Variants in HPSE2 observed in about 807,000 individuals in gnomAD.
The protein encoded by HPSE2 is heparanase 2 (inactive).
HPSE2 carries 38 observed loss-of-function variants against 60.5 expected under a neutral mutation model. That is an observed-to-expected ratio of 0.63 (90% confidence interval 0.48 to 0.82). The LOEUF is 0.82. Among genes scored for constraint, HPSE2 ranks in the 40% least tolerant of loss-of-function variants. The pLI, the probability that HPSE2 is intolerant of heterozygous loss-of-function variation, is 0.00. For missense variants in HPSE2, 713 were observed against 740.4 expected (o/e 0.96, Z 0.43); for synonymous variants, 295 against 293.2 (o/e 1.01, Z -0.06).
chr10:99,032,125 G>A (rs568353224), intron 3 of HPSE2, among the ~76,000 whole-genome samples: 56 of 152,182 alleles, frequency 3.7e-4, no homozygotes, highest in Admixed American at 1.3e-3. Context: ...ATTGAAAGGC[G>A]TTTTTTACAG....
chr10:98,863,598 T>C lies in HPSE2; in HGVS notation c.611-119542A>G, dbSNP rs536950364. Among the ~76,000 whole-genome samples, 10 of 152,212 alleles carry C rather than the reference T, an allele frequency of 6.6e-5. No individual in the cohort carries two copies. In the South Asian group the frequency reaches 2.1e-3, roughly 32 times the overall value. ...TCTTCTGTAGCCTCCTGTTTCAAGTTTAGAAAGGGATCGTCTCAGAGATGC... is the reference window on the plus strand; with the variant it reads ...TCTTCTGTAGCCTCCTGTTTCAAGTCTAGAAAGGGATCGTCTCAGAGATGC... On this transcript the variant is annotated intron_variant, in intron 3 of 11. Coordinates refer to ENST00000370552, the MANE Select transcript of HPSE2 (RefSeq NM_021828.5).
At chr10:98,682,187 G>A (rs1241253557) in intron 6 of HPSE2, among the ~76,000 whole-genome samples, 1 of 152,130 alleles carries the variant, frequency 6.6e-6, no homozygotes, top group African/African-American at 2.4e-5. Context: ...AGATCTGGTT[G>A]TTGAAAAGTG....
At chr10:98,809,969 T>C (rs1047006838) in intron 3 of HPSE2, among the ~76,000 whole-genome samples, 6 of 152,168 alleles carry the variant, frequency 3.9e-5, no homozygotes, top group Admixed American at 6.5e-5. Context: ...CATAGAAGAT[T>C]TTCTTGCCCC....
chr10:99,102,999 A>G (rs1371755149), intron 3 of HPSE2, among the ~76,000 whole-genome samples: 1 of 152,332 alleles, frequency 6.6e-6, no homozygotes, highest in East Asian at 1.9e-4. Flanking sequence ...AATAAGAGCT[A>G]TTTATGACAA....
intron 3 of HPSE2, among the ~76,000 whole-genome samples, chr10:98,904,974 C>T (rs1246682231): frequency 6.6e-6 from 1 of 152,062 alleles, no homozygotes; most frequent in African/African-American, 2.4e-5. Flanking sequence ...ATCTTAATGA[C>T]ATAAAAATGT....
At chr10:98,772,258 ATAATAG>A (rs1183999550) in intron 3 of HPSE2, among the ~76,000 whole-genome samples, 19 of 152,198 alleles carry the variant, frequency 1.2e-4, no homozygotes, top group Non-Finnish European at 5.9e-5. Context: ...AGGGGCAAAT[ATAATAG>A]ATGAGCAGAC....
chr10:99,057,337 A>T (rs539866057), intron 3 of HPSE2, among the ~76,000 whole-genome samples: 11 of 152,312 alleles, frequency 7.2e-5, no homozygotes, highest in African/African-American at 2.6e-4. Flanking sequence ...CCTTACCTGA[A>T]CCAAACTACA....
chr10:99,205,477 G>T (rs1848714115), intron 2 of HPSE2, among the ~76,000 whole-genome samples: 1 of 152,058 alleles, frequency 6.6e-6, no homozygotes, highest in Admixed American at 6.5e-5. Context: ...AGCCACTCGG[G>T]AGGCTGAGGC....
chr10:98,975,901 A>G (rs923228553), intron 3 of HPSE2, among the ~76,000 whole-genome samples: 2 of 152,166 alleles, frequency 1.3e-5, no homozygotes, highest in Non-Finnish European at 2.9e-5. Context: ...TCTTATAATT[A>G]ATTCATTTTA....
chr10:98,476,042 T>C (rs1264904493), intron 11 of HPSE2, among the ~76,000 whole-genome samples: 1 of 151,930 alleles, frequency 6.6e-6, no homozygotes, highest in Admixed American at 6.6e-5. Context: ...ATTGCGGCAC[T>C]ATTCACAATA....
intron 3 of HPSE2, among the ~76,000 whole-genome samples, chr10:98,851,190 A>T (rs1175979170): frequency 6.6e-6 from 1 of 152,196 alleles, no homozygotes; most frequent in Non-Finnish European, 1.5e-5. Flanking sequence ...TGTGTTCTGG[A>T]CCTTATAGAA....
intron 7 of HPSE2, among the ~76,000 whole-genome samples, chr10:98,637,836 A>G (rs1946536035): frequency 6.6e-6 from 1 of 152,134 alleles, no homozygotes; most frequent in Non-Finnish European, 1.5e-5. Context: ...AGGTATATAG[A>G]CAGTAAAACC....
intron 9 of HPSE2, among the ~76,000 whole-genome samples, chr10:98,524,698 G>A (rs948158986): frequency 6.6e-6 from 1 of 152,160 alleles, no homozygotes; most frequent in African/African-American, 2.4e-5. Flanking sequence ...GAGATAAGAA[G>A]GGTTGAGTTA....
At chr10:99,111,236 T>A (rs1334884501) in intron 3 of HPSE2, among the ~76,000 whole-genome samples, 1 of 152,208 alleles carries the variant, frequency 6.6e-6, no homozygotes, top group Non-Finnish European at 1.5e-5. Flanking sequence ...AAGTATTGAG[T>A]TGGGACTTGT....
intron 2 of HPSE2, among the ~76,000 whole-genome samples, chr10:99,171,376 A>G (rs1203997072): frequency 6.6e-6 from 1 of 152,188 alleles, no homozygotes; most frequent in Non-Finnish European, 1.5e-5. Context: ...AAACTACTAC[A>G]GTCTGGAGAA....
chr10:98,736,568 A>C (rs1022708636), intron 4 of HPSE2, among the ~76,000 whole-genome samples: 12 of 152,206 alleles, frequency 7.9e-5, no homozygotes, highest in Non-Finnish European at 1.3e-4. Flanking sequence ...AATGTAAGCT[A>C]TGAATTTATG....
rs555550517 is a variant in HPSE2 at position 98,896,291 on chromosome 10, G to A, written c.611-152235C>T. On this transcript the variant is annotated intron_variant, in intron 3 of 11. Transcript: ENST00000370552. ...GTAAAAGATTGGCTAATTATACATT[G>A]GTGGAAACTATTTAGGGGGAAATTT... Among the ~76,000 whole-genome samples, 9 of 152,102 alleles carry A rather than the reference G, an allele frequency of 5.9e-5. No homozygotes were observed. In the South Asian group the frequency reaches 8.3e-4, roughly 14 times the overall value.
chr10:99,276,910 G>A, the HPSE2 span, among the ~76,000 whole-genome samples: 2 of 152,018 alleles, frequency 1.3e-5, no homozygotes, highest in African/African-American at 2.4e-5. Flanking sequence ...TTAAAATAAC[G>A]CCAAAACTGC....
the HPSE2 span, among the ~76,000 whole-genome samples, chr10:99,244,107 G>T: frequency 3.3e-5 from 5 of 151,844 alleles, no homozygotes; most frequent in African/African-American, 1.2e-4. Flanking sequence ...GACTGCAGTG[G>T]TGCTATCTCG....
Sources: gnomAD v4.1 joint callset for allele counts (sites outside exome capture counted in the v4.1 genomes callset) on GRCh38, gnomAD v4.1.1 for gene constraint, MANE v1.5 for transcripts, NCBI Gene and HGNC (gene_info 2026-07-23, HGNC 2026-07-21) for gene names.